The following CELF1 variants were observed in gnomAD, a reference collection of about 807,000 sequenced individuals.
The protein encoded by CELF1 is CUGBP Elav-like family member 1, also known as 50 kDa nuclear polyadenylated RNA-binding protein.
A neutral mutation model predicts 61.8 loss-of-function variants in CELF1; 10 were observed. The observed-to-expected ratio is 0.16, with a 90% confidence interval of 0.10 to 0.27. CELF1 has a LOEUF of 0.27. Among genes scored for constraint, CELF1 ranks in the 10% least tolerant of loss-of-function variants. The pLI, the probability that CELF1 is intolerant of heterozygous loss-of-function variation, is 1.00. For missense variants in CELF1, 380 were observed against 639.1 expected, an observed-to-expected ratio of 0.59 and a Z score of 4.37; for synonymous variants, 236 against 225.1, an observed-to-expected ratio of 1.05 and a Z score of -0.43.
intron 1 of CELF1, among the ~76,000 whole-genome samples, chr11:47,506,680 G>A (rs537989369): frequency 5.3e-5 from 8 of 152,298 alleles, no homozygotes; most frequent in Admixed American, 5.2e-4. Flanking sequence ...TTGGAAAAGA[G>A]GGCAAGAAAA....
At chr11:47,520,572 C>G (rs972759832) in intron 1 of CELF1, among the ~76,000 whole-genome samples, 1 of 152,074 alleles carries the variant, frequency 6.6e-6, no homozygotes, top group Non-Finnish European at 1.5e-5. Context: ...CTTTGGGAAG[C>G]CGAGGTGGGC....
Position 47,467,291 on chromosome 11 carries a change from C to T in CELF1, c.*4939G>A, listed in dbSNP as rs980308338. ...CCACTCACATTCTTACTCAAGTCTC[C>T]AAGACCCTGAGGCTGGATGGTGCCA... On this transcript the variant is annotated 3_prime_UTR_variant, in exon 15 of 15. Coordinates refer to ENST00000687097, the MANE Select transcript of CELF1 (RefSeq NM_001376376.1). 3.3e-5 allele frequency: 5 copies of T among 152,338 alleles called. No homozygotes were observed. The highest frequency in any genetic ancestry group is 1.9e-4 in the East Asian group (1 of 5,204). The allele number at this position is 152,338 out of a possible 1,614,324, so 9.4% of individuals were successfully genotyped here.
At chr11:47,546,265 G>A (rs912317927) in intron 1 of CELF1, among the ~76,000 whole-genome samples, 2 of 136,370 alleles carry the variant, frequency 1.5e-5, no homozygotes, top group Non-Finnish European at 3.2e-5. Context: ...GGCGGGGGCC[G>A]GGGGCGGGGG....
chr11:47,558,134 G>A (rs1459842643), intron 2 of CELF1, among the ~76,000 whole-genome samples: 1 of 152,208 alleles, frequency 6.6e-6, no homozygotes, highest in South Asian at 2.1e-4. Context: ...TGGGATTATA[G>A]GCGTGAGCCA....
chr11:47,541,754 GA>G (rs1565904637), intron 1 of CELF1, among the ~76,000 whole-genome samples: 1,914 of 11,142 alleles, frequency 0.17, 419 homozygotes, highest in African/African-American at 0.33. Context: ...AAGAAAGAAA[GA>G]ACGAAAGAAA....
intron 1 of CELF1, among the ~76,000 whole-genome samples, chr11:47,545,877 G>C (rs1175092390): frequency 1.5e-4 from 18 of 120,728 alleles, no homozygotes; most frequent in African/African-American, 5.1e-4. Flanking sequence ...CTGCGTGTGT[G>C]TGTGTGTGTG....
upstream of CELF1, among the ~76,000 whole-genome samples, chr11:47,556,085 A>G (rs1306127711): frequency 6.6e-6 from 1 of 152,162 alleles, no homozygotes; most frequent in Non-Finnish European, 1.5e-5. Context: ...AAGTTCAGAT[A>G]ATCTGCCTAG....
chr11:47,553,413 G>A (rs2097189443), upstream of CELF1, among the ~76,000 whole-genome samples: 1 of 152,228 alleles, frequency 6.6e-6, no homozygotes, highest in Non-Finnish European at 1.5e-5. Flanking sequence ...GGAGGGAAGA[G>A]CCAGGCCTGG....
At position 47,519,603 on chromosome 11, in the gene CELF1, C is replaced by T. The variant is rs141936442; in HGVS notation, c.-153-18671G>A. ...GCTTCTCGCCGGGCGTGGTGGCTCA[C>T]GCCTATAATCCCAGCACTTGCACTT... On this transcript the variant is annotated intron_variant, in intron 1 of 14. Transcript: ENST00000687097. Among the ~76,000 whole-genome samples, 447 of 152,166 alleles carry T rather than the reference C, an allele frequency of 2.9e-3. 1 individual carries two copies. Among genetic ancestry groups the T allele is most frequent in the Middle Eastern group, 0.014 (4 of 294 alleles).
At chr11:47,499,761 A>C in intron 2 of CELF1, 157 bp from the exon 3 acceptor site, 1 of 501,826 alleles carries the variant, frequency 2.0e-6, no homozygotes, top group Non-Finnish European at 3.6e-6. Flanking sequence ...CCCAGCACAC[A>C]ATGAAAGTGC....
chr11:47,473,340 A>C (rs890043998), intron 13 of CELF1, 109 bp from the exon 14 acceptor site: 3 of 1,028,212 alleles, frequency 2.9e-6, no homozygotes, highest in Non-Finnish European at 4.3e-6. Flanking sequence ...ATCCCTAAAA[A>C]CAGAGATTCA....
intron 1 of CELF1, among the ~76,000 whole-genome samples, chr11:47,504,220 A>C (rs1412206271): frequency 6.6e-6 from 1 of 152,092 alleles, no homozygotes; most frequent in Non-Finnish European, 1.5e-5. Flanking sequence ...GTTTTCCATA[A>C]GAATCTAGAC....
chr11:47,530,762 C>A (rs1397129891), intron 1 of CELF1, among the ~76,000 whole-genome samples: 1 of 152,104 alleles, frequency 6.6e-6, no homozygotes, highest in Non-Finnish European at 1.5e-5. Flanking sequence ...TAAGACCAGC[C>A]TGGGCAACAC....
At chr11:47,506,317 C>A (rs1310673240) in intron 1 of CELF1, among the ~76,000 whole-genome samples, 1 of 147,762 alleles carries the variant, frequency 6.8e-6, no homozygotes, top group Non-Finnish European at 1.5e-5. Flanking sequence ...ATCCCAGCTA[C>A]TCGGGAGGCT....
At chr11:47,537,443 T>G (rs2096658322) in intron 1 of CELF1, among the ~76,000 whole-genome samples, 2 of 152,004 alleles carry the variant, frequency 1.3e-5, no homozygotes, top group African/African-American at 4.8e-5. Context: ...GAGACGGGGT[T>G]TCACCATGTT....
At chr11:47,552,374 T>TA (rs1287999748) in intron 1 of CELF1, among the ~76,000 whole-genome samples, 5 of 152,242 alleles carry the variant, frequency 3.3e-5, no homozygotes, top group Non-Finnish European at 5.9e-5. Flanking sequence ...GAAAGCGCTT[T>TA]AATGTGCTCC....
chr11:47,546,736 T>C (rs1000544134), intron 1 of CELF1, among the ~76,000 whole-genome samples: 10 of 152,088 alleles, frequency 6.6e-5, no homozygotes, highest in African/African-American at 2.2e-4. Context: ...TCAATTCTTA[T>C]CCTCTTCATG....
intron 1 of CELF1, among the ~76,000 whole-genome samples, chr11:47,520,188 G>A (rs1443061401): frequency 6.6e-6 from 1 of 152,098 alleles, no homozygotes; most frequent in Non-Finnish European, 1.5e-5. Context: ...ACATGGGAGA[G>A]CATCTATCTA....
At chr11:47,493,443 G>C (rs930956135) in intron 3 of CELF1, among the ~76,000 whole-genome samples, 6 of 145,136 alleles carry the variant, frequency 4.1e-5, no homozygotes, top group Non-Finnish European at 8.9e-5. Flanking sequence ...GGGAGGCGGA[G>C]ACTACAGTGA....
Sources: gnomAD v4.1 joint callset for allele counts (sites outside exome capture counted in the v4.1 genomes callset) on GRCh38, gnomAD v4.1.1 for gene constraint, MANE v1.5 for transcripts, NCBI Gene and HGNC (gene_info 2026-07-23, HGNC 2026-07-21) for gene names.